The following TBC1D12 variants were observed in gnomAD, a reference collection of about 807,000 sequenced individuals.
The protein encoded by TBC1D12 is TBC1 domain family member 12.
In TBC1D12, 56 loss-of-function variants were observed where a neutral mutation model predicts 86.7. That is an observed-to-expected ratio of 0.65 (90% CI 0.52 to 0.81). The LOEUF (loss-of-function observed/expected upper bound fraction) is 0.81. TBC1D12 is among the 30% of genes least tolerant of loss of function. The pLI, the probability that TBC1D12 is intolerant of heterozygous loss-of-function variation, is 0.00. For missense variants in TBC1D12, 1,023 were observed against 1,038.8 expected (o/e 0.98, Z 0.21); for synonymous variants, 421 against 411.7 (o/e 1.02, Z -0.27).
rs546399974 is a variant in TBC1D12, at chr10:94,529,682, A to G, written c.2001-1520A>G. ...CCAAGAGCATTAGAGTTACTCAGGG[A>G]AGGACCCAAGAAAATGGGAGAAGGG... On this transcript the variant is annotated intron_variant, in intron 11 of 12. Transcript: ENST00000225235. Among the ~76,000 whole-genome samples the G allele has an allele frequency of 1.3e-4, 20 of 152,254 alleles. No individual in the cohort carries two copies. In the South Asian group the frequency reaches 4.2e-3, roughly 32 times the overall value.
At chr10:94,517,882 G>T (rs1454069427) in intron 9 of TBC1D12, among the ~76,000 whole-genome samples, 1 of 152,184 alleles carries the variant, frequency 6.6e-6, no homozygotes, top group Non-Finnish European at 1.5e-5. Context: ...GCTGGGTGCG[G>T]TGGCTAATGC....
chr10:94,476,115 TTCTC>T (rs767950968), intron 3 of TBC1D12, among the ~76,000 whole-genome samples: 4 of 151,846 alleles, frequency 2.6e-5, no homozygotes, highest in Admixed American at 1.3e-4. Flanking sequence ...AAAGAATTCT[TTCTC>T]TCTCTCTCTT....
At chr10:94,413,960 G>T (rs1429314951) in intron 1 of TBC1D12, among the ~76,000 whole-genome samples, 1 of 152,024 alleles carries the variant, frequency 6.6e-6, no homozygotes. Flanking sequence ...TCCAAATCTG[G>T]TTTTCATCTA....
intron 1 of TBC1D12, among the ~76,000 whole-genome samples, chr10:94,425,056 T>A (rs185996883): frequency 1.3e-5 from 2 of 152,208 alleles, no homozygotes; most frequent in Non-Finnish European, 2.9e-5. Flanking sequence ...GTTAAACTTA[T>A]ATTTAAAAAC....
At chr10:94,450,529 G>T (rs758611331) in intron 2 of TBC1D12, among the ~76,000 whole-genome samples, 1 of 152,062 alleles carries the variant, frequency 6.6e-6, no homozygotes, top group African/African-American at 2.4e-5. Flanking sequence ...CGAGGCTAGA[G>T]AATTGGGTTT....
At chr10:94,532,027 C>A (rs555547419) in intron 12 of TBC1D12, among the ~76,000 whole-genome samples, 1 of 151,432 alleles carries the variant, frequency 6.6e-6, no homozygotes, top group South Asian at 2.1e-4. Flanking sequence ...ACTACAGGTG[C>A]CCGCCACCAC....
intron 2 of TBC1D12, among the ~76,000 whole-genome samples, chr10:94,462,815 T>G (rs1300191540): frequency 6.6e-6 from 1 of 152,206 alleles, no homozygotes; most frequent in Non-Finnish European, 1.5e-5. Context: ...TTCATCAGTT[T>G]TACTAGGAGT....
intron 2 of TBC1D12, among the ~76,000 whole-genome samples, chr10:94,443,721 G>GT (rs1338236139): frequency 6.6e-6 from 1 of 152,140 alleles, no homozygotes; most frequent in Non-Finnish European, 1.5e-5. Context: ...TTGTGAATCT[G>GT]TTTTTTCTGA....
At position 94,522,390 on chromosome 10, in the gene TBC1D12, T is replaced by C; in HGVS notation, c.1937T>C (p.Leu646Pro). 1.4e-6 allele frequency: 2 copies of C among 1,470,564 alleles called. No homozygotes were observed. Among genetic ancestry groups the C allele is most frequent in the Non-Finnish European group, 1.8e-6 (2 of 1,082,660 alleles). 91.1% of individuals were successfully genotyped at this position (1,470,564 alleles called of 1,614,324 possible). The change falls in exon 11 of 13, where the codon CTT becomes CCT. Residue 646 changes from leucine (L) to proline (P), a missense_variant. Physicochemically the swap from Leu to Pro is moderately conservative, Grantham distance 98. Coordinates refer to ENST00000225235, the MANE Select transcript of TBC1D12 (RefSeq NM_015188.2). Reference sequence around the variant, plus strand: ...TTTGAAGTATTCTTTGAAGAAAATCTTTCCAAATTATTTCTTCACTTCAAA... The same window carrying C: ...TTTGAAGTATTCTTTGAAGAAAATCCTTCCAAATTATTTCTTCACTTCAAA... ...ATFEVFFEEN[L>P]SKLFLHFKSY...
intron 2 of TBC1D12, among the ~76,000 whole-genome samples, chr10:94,465,985 T>C (rs562167630): frequency 5.3e-5 from 8 of 151,724 alleles, no homozygotes; most frequent in Admixed American, 3.3e-4. Flanking sequence ...TATACACATA[T>C]ATATGAAGTT....
At chr10:94,403,632 C>T (rs1285093233) in intron 1 of TBC1D12, 48 bp downstream of exon 1, 2 of 1,402,022 alleles carry the variant, frequency 1.4e-6, no homozygotes, top group African/African-American at 1.5e-5. Context: ...GGGCCGGGGC[C>T]GGAGCCGGGG....
Position 94,497,468 on chromosome 10 carries a change from G to A in TBC1D12, c.1412+296G>A, listed in dbSNP as rs138404611. Among the ~76,000 whole-genome samples the A allele has an allele frequency of 8.1e-3, 1,212 of 148,902 alleles. 15 individuals are homozygous for A. The highest frequency in any genetic ancestry group is 0.027 in the African/African-American group (1,091 of 40,512). ...CCTTTGCTTTTGTAAATCCCTCAGT[G>A]TCTACCACCTACTTCCCTTACTGAC... On this transcript the variant is annotated intron_variant, in intron 5 of 12. Transcript: ENST00000225235.
intron 5 of TBC1D12, among the ~76,000 whole-genome samples, chr10:94,498,734 G>A (rs1005294304): frequency 2.0e-5 from 3 of 151,270 alleles, no homozygotes; most frequent in African/African-American, 7.3e-5. Context: ...GGAATTATAG[G>A]TGTGAGCCAC....
At chr10:94,512,707 A>T (rs2056540976) in intron 9 of TBC1D12, among the ~76,000 whole-genome samples, 1 of 152,210 alleles carries the variant, frequency 6.6e-6, no homozygotes, top group Non-Finnish European at 1.5e-5. Flanking sequence ...GGAAAGTGCT[A>T]GATTTAGGGT....
Position 94,403,238 on chromosome 10 carries a change from G to T in TBC1D12, c.625G>T (p.Ala209Ser), listed in dbSNP as rs1185443435. 6.6e-7 allele frequency: 1 copy of T among 1,506,314 alleles called. No individual in the cohort carries two copies. The highest frequency in any genetic ancestry group is 8.9e-7 in the Non-Finnish European group (1 of 1,129,394). 93.3% of individuals were successfully genotyped at this position (1,506,314 alleles called of 1,614,324 possible). A position where few individuals can be genotyped will look rare whatever the true frequency, so the allele number is the denominator to read the frequency against. The change falls in exon 1 of 13, where the codon GCC (alanine) becomes TCC (serine). Residue 209 changes from alanine (A) to serine (S), a missense_variant. Around this residue, in one of 2 missense-constraint regions of TBC1D12, gnomAD observed 628 missense variants for 531.1 expected, o/e 1.18. Coordinates refer to ENST00000225235, the MANE Select transcript of TBC1D12 (RefSeq NM_015188.2). The stretch of plus-strand genomic sequence containing the variant: ...GAGCTGCTGCCTGGTGGCCGCGGAC[G>T]CCCAGGAGCCCGAGGGCGCGGGCAG... ...LRSCCLVAAD[A>S]QEPEGAGSDS...
At chr10:94,466,521 A>G (rs1476204565) in intron 2 of TBC1D12, among the ~76,000 whole-genome samples, 1 of 152,098 alleles carries the variant, frequency 6.6e-6, no homozygotes, top group Non-Finnish European at 1.5e-5. Flanking sequence ...ATTATTAGCA[A>G]CACTTACTTT....
intron 3 of TBC1D12, among the ~76,000 whole-genome samples, chr10:94,479,488 C>T (rs2056045457): frequency 6.6e-6 from 1 of 151,920 alleles, no homozygotes; most frequent in African/African-American, 2.4e-5. Flanking sequence ...CAGTTAAATC[C>T]ATTATTCTTT....
chr10:94,403,404 T>C lies in TBC1D12; in HGVS notation c.791T>C (p.Leu264Pro). The C allele has an allele frequency of 3.9e-6, 6 of 1,548,260 alleles. No individual in the cohort carries two copies. The highest frequency in any genetic ancestry group is 3.6e-5 in the South Asian group (3 of 83,812). The part of the protein sequence containing the change: ...ERTNGGAEPR[L>P]GFSDIHFNSR... The stretch of plus-strand genomic sequence containing the variant: ...ACTAATGGGGGTGCGGAGCCGCGCC[T>C]GGGCTTTTCTGACATTCACTTCAAC... The change falls in exon 1 of 13, where the codon CTG (leucine) becomes CCG (proline). Residue 264 changes from leucine (L) to proline (P), a missense_variant. By Grantham distance (98) the Leu-to-Pro change is moderately conservative. Transcript: ENST00000225235.
chr10:94,459,695 G>T (rs371548405), intron 2 of TBC1D12, among the ~76,000 whole-genome samples: 4 of 152,340 alleles, frequency 2.6e-5, no homozygotes, highest in South Asian at 4.1e-4. Flanking sequence ...CGGGCAGGCT[G>T]GCAGTGCTGG....
Sources: allele counts gnomAD v4.1 joint callset (sites outside exome capture counted in the v4.1 genomes callset), GRCh38; gene constraint gnomAD v4.1.1; regional missense constraint gnomAD v4.1.1; transcripts MANE v1.5; gene names NCBI Gene and HGNC (gene_info 2026-07-23, HGNC 2026-07-21).